Variants in KCNN2 observed in about 807,000 individuals in gnomAD.
The protein encoded by KCNN2 is small conductance calcium-activated potassium channel protein 2.
In KCNN2, 24 loss-of-function variants were observed where a neutral mutation model predicts 55.5. That is an observed-to-expected ratio of 0.43 (90% CI 0.31 to 0.61). KCNN2 has a LOEUF of 0.61. Among genes scored for constraint, KCNN2 ranks in the 20% least tolerant of loss-of-function variants. The pLI is 0.08. For synonymous variants in KCNN2, 431 were observed against 336.1 expected, an observed-to-expected ratio of 1.28 and a Z score of -3.09; for missense variants, 754 against 853.6, an observed-to-expected ratio of 0.88 and a Z score of 1.45.
intron 2 of KCNN2, among the ~76,000 whole-genome samples, chr5:114,281,292 A>G (rs2150012967): frequency 6.6e-6 from 1 of 152,176 alleles, no homozygotes; most frequent in Admixed American, 6.6e-5. Context: ...CATCTAAAAC[A>G]TGGGATATTC....
chr5:114,392,848 T>C (rs754285475), intron 2 of KCNN2, among the ~76,000 whole-genome samples: 9 of 151,500 alleles, frequency 5.9e-5, no homozygotes, highest in Non-Finnish European at 1.3e-4. Context: ...CAAATGCTAG[T>C]TTCTAAGGAA....
At chr5:114,466,970 A>T (rs1352103892) in intron 4 of KCNN2, among the ~76,000 whole-genome samples, 1 of 152,138 alleles carries the variant, frequency 6.6e-6, no homozygotes, top group Non-Finnish European at 1.5e-5. Context: ...AAATTTTAAA[A>T]TTTTCTTCAA....
chr5:114,155,033 C>A (rs560531793), intron 1 of KCNN2, among the ~76,000 whole-genome samples: 1 of 152,032 alleles, frequency 6.6e-6, no homozygotes, highest in Non-Finnish European at 1.5e-5. Context: ...TCTGCTCCCT[C>A]CTCACACTCT....
chr5:114,349,830 C>G (rs1300865810), intron 2 of KCNN2, among the ~76,000 whole-genome samples: 1 of 151,958 alleles, frequency 6.6e-6, no homozygotes, highest in Non-Finnish European at 1.5e-5. Context: ...AATTGCTAAA[C>G]TTTTCCAAAG....
chr5:114,121,038 C>T (rs1751821653), intron 1 of KCNN2, among the ~76,000 whole-genome samples: 1 of 152,198 alleles, frequency 6.6e-6, no homozygotes, highest in South Asian at 2.1e-4. Context: ...CTAAATTCCC[C>T]TATGATGTCT....
Position 114,363,281 on chromosome 5 carries a change from C to T in KCNN2, c.1122+20C>T, listed in dbSNP as rs1014412730. ...GACAAGGTACAGGCTTGAACCCCAG[C>T]CCACGCTACCGGAGTCGGGCACTGG... On this transcript the variant is annotated intron_variant, in intron 1 of 7. Transcript: ENST00000673685. 1.5e-5 allele frequency: 24 copies of T among 1,567,744 alleles called. No individual in the cohort carries two copies. The highest frequency in any genetic ancestry group is 2.0e-5 in the Non-Finnish European group (23 of 1,157,474).
At chr5:114,450,138 G>T (rs1052948570) in intron 3 of KCNN2, among the ~76,000 whole-genome samples, 1 of 152,220 alleles carries the variant, frequency 6.6e-6, no homozygotes. Flanking sequence ...TCAGCTGGCC[G>T]CTACCCATCA....
chr5:114,218,738 A>C (rs1754061705), intron 1 of KCNN2, among the ~76,000 whole-genome samples: 3 of 152,200 alleles, frequency 2.0e-5, no homozygotes, highest in Non-Finnish European at 4.4e-5. Context: ...TTCGGGTGAT[A>C]ATGATGTTTC....
At chr5:114,142,457 T>C (rs1224692471) in intron 1 of KCNN2, among the ~76,000 whole-genome samples, 1 of 152,190 alleles carries the variant, frequency 6.6e-6, no homozygotes, top group East Asian at 1.9e-4. Flanking sequence ...CATGATTGTA[T>C]ATTTAGAATA....
chr5:114,350,965 G>A (rs963277572), intron 2 of KCNN2, among the ~76,000 whole-genome samples: 1 of 151,838 alleles, frequency 6.6e-6, no homozygotes, highest in African/African-American at 2.4e-5. Flanking sequence ...GAATGTTAGG[G>A]TCAGTTTGCC....
chr5:114,252,539 G>A (rs1754887467), intron 2 of KCNN2, among the ~76,000 whole-genome samples: 1 of 152,152 alleles, frequency 6.6e-6, no homozygotes, highest in Non-Finnish European at 1.5e-5. Flanking sequence ...GGAGCTTGCA[G>A]TGGAGGGGAA....
At chr5:114,369,803 A>G (rs1757711179) in intron 2 of KCNN2, among the ~76,000 whole-genome samples, 1 of 152,088 alleles carries the variant, frequency 6.6e-6, no homozygotes, top group South Asian at 2.1e-4. Context: ...CAGCATCACA[A>G]ATGAATGAAG....
chr5:114,292,043 T>A (rs1301018579), intron 2 of KCNN2, among the ~76,000 whole-genome samples: 1 of 152,184 alleles, frequency 6.6e-6, no homozygotes, highest in Non-Finnish European at 1.5e-5. Context: ...GGGTTGTTTG[T>A]TTGTTTCTTG....
At chr5:114,292,610 T>C (rs1209773204) in intron 2 of KCNN2, among the ~76,000 whole-genome samples, 2 of 152,204 alleles carry the variant, frequency 1.3e-5, no homozygotes, top group African/African-American at 4.8e-5. Flanking sequence ...TAGTATAGTT[T>C]GAAGTCAGGT....
At position 114,337,672 on chromosome 5, in the gene KCNN2, T is replaced by C. The variant is rs79689653; in HGVS notation, c.-184-23273T>C. On this transcript the variant is annotated intron_variant, in intron 2 of 10. Transcript: ENST00000512097. ...ATTTGTGATAATATCAAGTTGGTCT[T>C]GGTGAATGACCACAGACAATAGTGT... Among the ~76,000 whole-genome samples, 967 of 152,324 alleles carry C rather than the reference T, an allele frequency of 6.3e-3. 8 individuals are homozygous for C. Among genetic ancestry groups the C allele is most frequent in the African/African-American group, 0.022 (918 of 41,572 alleles).
chr5:114,461,731 A>T (rs1018951041), intron 3 of KCNN2, among the ~76,000 whole-genome samples: 1 of 129,574 alleles, frequency 7.7e-6, no homozygotes, highest in Non-Finnish European at 1.5e-5. Context: ...GAGGGACAGG[A>T]AAAAAAAAAA....
rs576999390 is a variant in KCNN2 at position 114,336,290 on chromosome 5, CAT to C, written c.-184-24652_-184-24651del. On this transcript the variant is annotated intron_variant, in intron 2 of 10. Coordinates refer to the KCNN2 transcript ENST00000512097. The stretch of plus-strand genomic sequence containing the variant: ...GAAGAACATAGGAAATTATTATAAA[CAT>C]ATGTATGTATGATTTGTTCAGGAAA... 3.8e-3 allele frequency among the ~76,000 whole-genome samples: 573 copies of C among 152,270 alleles called. 2 individuals carry two copies. Among genetic ancestry groups the C allele is most frequent in the African/African-American group, 0.013 (537 of 41,548 alleles).
chr5:114,192,226 G>T (rs905812221), intron 1 of KCNN2, among the ~76,000 whole-genome samples: 14 of 152,144 alleles, frequency 9.2e-5, no homozygotes, highest in African/African-American at 3.4e-4. Flanking sequence ...CTACCTCCTT[G>T]AGGGCTTACC....
intron 1 of KCNN2, among the ~76,000 whole-genome samples, chr5:114,062,913 A>T (rs1185115733): frequency 6.6e-6 from 1 of 152,212 alleles, no homozygotes; most frequent in Non-Finnish European, 1.5e-5. Context: ...ATTCCAAGCT[A>T]ATTCAAAAGA....
Sources: gnomAD v4.1 joint callset for allele counts (sites outside exome capture counted in the v4.1 genomes callset) on GRCh38, gnomAD v4.1.1 for gene constraint, MANE v1.5 for transcripts, NCBI Gene and HGNC (gene_info 2026-07-23, HGNC 2026-07-21) for gene names.